ATP10A: variants seen among roughly 807,000 people sequenced by gnomAD.
ATP10A encodes the protein phospholipid-transporting ATPase VA.
In ATP10A, 111 loss-of-function variants were observed where a neutral mutation model predicts 147.8. The ratio of observed to expected loss-of-function variants is 0.75; its 90% CI spans 0.64 to 0.88. ATP10A has a LOEUF of 0.88. Ranked by LOEUF, ATP10A falls within the 40% of genes least tolerant of loss-of-function variation. ATP10A has a pLI of 0.00. For missense variants in ATP10A, 1,927 were observed against 1,959.0 expected, an observed-to-expected ratio of 0.98 and a Z score of 0.31; for synonymous variants, 875 against 841.6, an observed-to-expected ratio of 1.04 and a Z score of -0.69.
intron 1 of ATP10A, among the ~76,000 whole-genome samples, chr15:25,788,681 T>C (rs1163226754): frequency 6.6e-6 from 1 of 152,242 alleles, no homozygotes; most frequent in Non-Finnish European, 1.5e-5. Flanking sequence ...GGTTTGGAAT[T>C]AAAACAAGAG....
intron 1 of ATP10A, among the ~76,000 whole-genome samples, chr15:25,823,529 T>C (rs925805689): frequency 2.6e-5 from 4 of 152,214 alleles, no homozygotes; most frequent in Admixed American, 1.3e-4. Flanking sequence ...TTGAGTCAGA[T>C]ACCCACTATG....
chr15:25,723,320 C>T lies in ATP10A; in HGVS notation c.1110+571G>A, dbSNP rs144948619. Among the ~76,000 whole-genome samples the T allele has an allele frequency of 1.6e-3, 246 of 151,176 alleles. 2 individuals are homozygous for T. The highest frequency in any genetic ancestry group is 5.8e-3 in the African/African-American group (240 of 41,148). On this transcript the variant is annotated intron_variant, in intron 6 of 20. Coordinates refer to ENST00000555815, the MANE Select transcript of ATP10A (RefSeq NM_024490.4). ...CCAAGATCGTGTCACTGCACTCCAG[C>T]CTGGCGACAAAACAAGACTCTGTCT... is the stretch of plus-strand genomic sequence containing the variant.
At chr15:25,830,247 C>T (rs1310969263) in intron 1 of ATP10A, among the ~76,000 whole-genome samples, 1 of 152,098 alleles carries the variant, frequency 6.6e-6, no homozygotes, top group Non-Finnish European at 1.5e-5. Context: ...CCCCACCTTC[C>T]CCTCATTCAG....
chr15:25,727,774 G>A lies in ATP10A; in HGVS notation c.741-508C>T, dbSNP rs141864228. On this transcript the variant is annotated intron_variant, in intron 3 of 20. Transcript: ENST00000555815. Reference sequence around the variant, plus strand: ...AGTTATTAGAAGTATTAATATATGTGGTCTGAAATGTGGTAAATTCCATGA... The same window carrying A: ...AGTTATTAGAAGTATTAATATATGTAGTCTGAAATGTGGTAAATTCCATGA... Among the ~76,000 whole-genome samples the A allele has an allele frequency of 1.4e-4, 21 of 152,300 alleles. No homozygotes were observed. In the East Asian group the frequency reaches 3.9e-3, roughly 28 times the overall value.
At position 25,680,173 on chromosome 15, in the gene ATP10A, G is replaced by C; in HGVS notation, c.3814C>G (p.Pro1272Ala). ...YWTMQALLGD[P>A]VFYLTCLMTP... ...ATCAGGCAAGTCAAGTAAAACACTG[G>C]GTCACCCAGTAAGGCTTGCATAGTC... is the stretch of plus-strand genomic sequence containing the variant. The change falls in exon 20 of 21, where the codon CCA becomes GCA. Residue 1272 changes from proline (P) to alanine (A), a missense_variant. Physicochemically the swap from Pro to Ala is conservative, Grantham distance 27. Coordinates refer to ENST00000555815, the MANE Select transcript of ATP10A (RefSeq NM_024490.4). 6.2e-7 allele frequency: 1 copy of C among 1,614,096 alleles called. No individual in the cohort carries two copies.
At position 25,714,142 on chromosome 15, in the gene ATP10A, C is replaced by T. The variant is rs926490959; in HGVS notation, c.1876G>A (p.Gly626Arg). The T allele has an allele frequency of 6.2e-7, 1 of 1,611,694 alleles. No individual in the cohort carries two copies. The highest frequency in any genetic ancestry group is 8.5e-7 in the Non-Finnish European group (1 of 1,180,030). Residue 626 changes from glycine (G) to arginine (R), a missense_variant, in exon 10 of 21, where the codon GGG (glycine) becomes AGG (arginine). Physicochemically the swap from Gly to Arg is moderately radical, Grantham distance 125. Transcript: ENST00000555815. ...SCLTSGCSSI[G>R]SLAANKSSHK... ...CTGGACTTGTTGGCGGCCAGGCTCC[C>T]GATGCTGCTGCAGCCTGAGGTCAGG...
intron 1 of ATP10A, among the ~76,000 whole-genome samples, chr15:25,860,021 C>T (rs1337100049): frequency 2.0e-5 from 3 of 152,158 alleles, no homozygotes. Context: ...AGACAGTTCA[C>T]AGTCGTGCGT....
chr15:25,850,002 C>G (rs979637148), intron 1 of ATP10A, among the ~76,000 whole-genome samples: 9 of 152,106 alleles, frequency 5.9e-5, no homozygotes, highest in African/African-American at 1.9e-4. Flanking sequence ...AATGCCATTA[C>G]CTAGGTTTCT....
At chr15:25,713,126 A>G (rs1178135241) in intron 10 of ATP10A, among the ~76,000 whole-genome samples, 1 of 152,162 alleles carries the variant, frequency 6.6e-6, no homozygotes, top group Non-Finnish European at 1.5e-5. Context: ...CACCCAGTTC[A>G]GTTCCCTGGA....
chr15:25,823,124 C>T (rs11161232), intron 1 of ATP10A, among the ~76,000 whole-genome samples: 47,762 of 151,792 alleles, frequency 0.31, 8,762 homozygotes, highest in African/African-American at 0.51. Context: ...GAAACAGAAA[C>T]TGGGGTTTGG....
At chr15:25,736,421 C>T (rs533689506) in intron 2 of ATP10A, among the ~76,000 whole-genome samples, 8 of 152,070 alleles carry the variant, frequency 5.3e-5, no homozygotes, top group African/African-American at 9.7e-5. Context: ...AGAGAACAGG[C>T]GATAAAGCAA....
intron 2 of ATP10A, among the ~76,000 whole-genome samples, chr15:25,749,326 A>T (rs1214905223): frequency 6.6e-6 from 1 of 152,160 alleles, no homozygotes; most frequent in Non-Finnish European, 1.5e-5. Context: ...GAGATTAAAG[A>T]TGGTGCAAAT....
At chr15:25,721,940 A>T in intron 6 of ATP10A, 31 bp from the exon 7 acceptor site, 1 of 1,594,452 alleles carries the variant, frequency 6.3e-7, no homozygotes, top group South Asian at 1.1e-5. Context: ...AGGATGAATG[A>T]CCGTGAGGAC....
In ATP10A at chr15:25,838,000, A is replaced by T. The variant is rs1411808741; in HGVS notation, c.449+24648T>A. Among the ~76,000 whole-genome samples, 16 of 152,362 alleles carry T rather than the reference A, an allele frequency of 1.1e-4. No homozygotes were observed. The East Asian group carries it at 3.1e-3, about 29-fold the overall frequency. On this transcript the variant is annotated intron_variant, in intron 1 of 20. Coordinates refer to ENST00000555815, the MANE Select transcript of ATP10A (RefSeq NM_024490.4). ...TGCCAGGGCTCCGGGCCATGGAGCT[A>T]GTTTGCACAGATTAATGTACAAGAT...
At chr15:25,768,169 C>T (rs1258362211) in intron 2 of ATP10A, among the ~76,000 whole-genome samples, 1 of 152,120 alleles carries the variant, frequency 6.6e-6, no homozygotes, top group Non-Finnish European at 1.5e-5. Flanking sequence ...ACCGCTGGAC[C>T]CTTCACAGGA....
In ATP10A at chr15:25,862,986, G is replaced by A; in HGVS notation, c.111C>T (p.Ala37=). 7.0e-7 allele frequency: 1 copy of A among 1,422,272 alleles called. No individual in the cohort carries two copies. The highest frequency in any genetic ancestry group is 9.1e-7 in the Non-Finnish European group (1 of 1,097,552). 88.1% of individuals were successfully genotyped at this position (1,422,272 alleles called of 1,614,324 possible). Residue 37 remains alanine (A), a synonymous_variant, in exon 1 of 21, where the codon GCC becomes GCT. Coordinates refer to ENST00000555815, the MANE Select transcript of ATP10A (RefSeq NM_024490.4). ...TGGCCGCGCCAGCCGCAGGGTCCTC[G>A]GCGCCCGGGGGCGGCAGCAGGTTGG... ...VRSNLLPPPG[A]EDPAAGAAKG... is the part of the protein sequence containing the mutation.
At chr15:25,851,251 A>C (rs775172200) in intron 1 of ATP10A, among the ~76,000 whole-genome samples, 1 of 152,162 alleles carries the variant, frequency 6.6e-6, no homozygotes, top group Non-Finnish European at 1.5e-5. Flanking sequence ...ACGGGCCTCC[A>C]AAGCACCTAC....
At chr15:25,700,208 C>A (rs1325028073) in intron 13 of ATP10A, among the ~76,000 whole-genome samples, 2 of 152,150 alleles carry the variant, frequency 1.3e-5, no homozygotes, top group African/African-American at 2.4e-5. Flanking sequence ...ATTAGAGGGG[C>A]TAGCAGAAAA....
At chr15:25,819,548 T>C (rs1891795494) in intron 1 of ATP10A, among the ~76,000 whole-genome samples, 1 of 151,922 alleles carries the variant, frequency 6.6e-6, no homozygotes, top group South Asian at 2.1e-4. Flanking sequence ...GAACTGCCAT[T>C]TGACCCAGCA....
Sources: allele counts gnomAD v4.1 joint callset (sites outside exome capture counted in the v4.1 genomes callset), GRCh38; gene constraint gnomAD v4.1.1; transcripts MANE v1.5; gene names NCBI Gene and HGNC (gene_info 2026-07-23, HGNC 2026-07-21).